FAM184A: variants seen among roughly 807,000 people sequenced by gnomAD.
FAM184A encodes protein FAM184A.
Under a neutral mutation model 143.8 loss-of-function variants are expected in FAM184A, and 99 were observed. The observed-to-expected ratio is 0.69, with a 90% CI of 0.58 to 0.81. FAM184A has a LOEUF of 0.81. Among genes scored for constraint, FAM184A ranks in the 40% least tolerant of loss-of-function variants. The probability of loss-of-function intolerance (pLI) is 0.00; values close to 1 mark genes in which losing one functional copy is unlikely to be tolerated. For synonymous variants in FAM184A, 427 were observed against 446.4 expected, an observed-to-expected ratio of 0.96 and a Z score of 0.55; for missense variants, 1,217 against 1,310.5, an observed-to-expected ratio of 0.93 and a Z score of 1.10.
intron 1 of FAM184A, among the ~76,000 whole-genome samples, chr6:119,139,390 G>C (rs1772132645): frequency 6.6e-6 from 1 of 152,130 alleles, no homozygotes; most frequent in Non-Finnish European, 1.5e-5. Flanking sequence ...TTAACTCACT[G>C]TTCTCAGAAT....
chr6:118,962,649 A>C (rs965645685), intron 16 of FAM184A: 9 of 152,170 alleles, frequency 5.9e-5, no homozygotes, highest in African/African-American at 2.2e-4. Context: ...TTTAAACTTT[A>C]AAGGTTACAA....
At chr6:119,058,175 C>A (rs11153792) in intron 1 of FAM184A, among the ~76,000 whole-genome samples, 3 of 89,736 alleles carry the variant, frequency 3.3e-5, no homozygotes, top group South Asian at 3.9e-4. Flanking sequence ...CTCCTTCTCT[C>A]TTTTTTTTTT....
In FAM184A at chr6:119,024,449, A is replaced by C; in HGVS notation, c.524T>G (p.Leu175Arg). 1 of 1,614,104 alleles carries C rather than the reference A, an allele frequency of 6.2e-7. No homozygotes were observed. Among genetic ancestry groups the C allele is most frequent in the Non-Finnish European group, 8.5e-7 (1 of 1,180,020 alleles). ...TTTGTCTTTTTCAAACTGTACTTGA[A>C]GTTGTCCAAAGCTCCGTAATTTTTC... Reference protein sequence around the residue: ...FEEKLRSFGQLQVQFEKDKRL... With the variant: ...FEEKLRSFGQRQVQFEKDKRL... The change falls in exon 2 of 18, where the codon CTT becomes CGT. Residue 175 changes from leucine (L) to arginine (R), a missense_variant. Leu to Arg is a moderately radical substitution (Grantham distance 102). Transcript: ENST00000338891.
intron 1 of FAM184A, among the ~76,000 whole-genome samples, chr6:119,028,501 G>T (rs1416594582): frequency 6.6e-6 from 1 of 152,128 alleles, no homozygotes; most frequent in Non-Finnish European, 1.5e-5. Flanking sequence ...AACAACCAAT[G>T]ATTTAATCAA....
In FAM184A at chr6:118,984,158, AAT is replaced by A. The variant is rs34576101; in HGVS notation, c.2089-3810_2089-3809del. Among the ~76,000 whole-genome samples, 918 of 126,932 alleles carry A rather than the reference AAT, an allele frequency of 7.2e-3. 18 individuals carry two copies. Among genetic ancestry groups the A allele is most frequent in the African/African-American group, 0.024 (777 of 32,140 alleles). The allele number at this position is 126,932 out of a possible 152,430, so 83.3% of individuals were successfully genotyped here. A position where few individuals can be genotyped will look rare whatever the true frequency, so the allele number is the denominator to read the frequency against. On this transcript the variant is annotated intron_variant, in intron 9 of 17. Transcript: ENST00000338891. ...ATAACGAAACTCCATTTAAAAAAAAAATATATATATATATATATATTTATATA... is the reference window on the plus strand; with the variant it reads ...ATAACGAAACTCCATTTAAAAAAAAAATATATATATATATATATTTATATA...
At chr6:119,057,474 C>G (rs1469381635) in intron 1 of FAM184A, among the ~76,000 whole-genome samples, 2 of 152,200 alleles carry the variant, frequency 1.3e-5, no homozygotes, top group Admixed American at 1.3e-4. Context: ...CGCAGTGGCT[C>G]ATGCTTGTAA....
chr6:118,991,924 G>A (rs1462033141), intron 9 of FAM184A, among the ~76,000 whole-genome samples: 3 of 151,518 alleles, frequency 2.0e-5, no homozygotes, highest in African/African-American at 4.9e-5. Context: ...CACCACGCCC[G>A]GCTAATTTTT....
intron 1 of FAM184A, among the ~76,000 whole-genome samples, chr6:119,046,556 C>T (rs1048421356): frequency 5.0e-4 from 44 of 88,544 alleles, no homozygotes; most frequent in Non-Finnish European, 1.1e-3. Context: ...ATTGTTATAC[C>T]TACCAAATAA....
At chr6:118,995,279 T>G (rs1431501304) in intron 9 of FAM184A, among the ~76,000 whole-genome samples, 1 of 152,014 alleles carries the variant, frequency 6.6e-6, no homozygotes, top group Non-Finnish European at 1.5e-5. Flanking sequence ...TAACTGAGTG[T>G]GGTGATACCT....
intron 1 of FAM184A, among the ~76,000 whole-genome samples, chr6:119,104,150 A>T (rs1415205170): frequency 2.6e-5 from 4 of 151,938 alleles, no homozygotes; most frequent in African/African-American, 9.7e-5. Context: ...GATCCTCCCA[A>T]GTATCTGGGA....
rs563196195 is a variant in FAM184A, at chr6:119,002,481, T to A, written c.2088+418A>T. On this transcript the variant is annotated intron_variant, in intron 9 of 17. Transcript: ENST00000338891. ...TTTGAAGGATAGCAGGCAACGCTCC[T>A]TTGGTGAGAAAAGTAAGCTGTTCAT... Among the ~76,000 whole-genome samples, 12 of 152,272 alleles carry A rather than the reference T, an allele frequency of 7.9e-5. 1 individual carries two copies. The highest frequency in any genetic ancestry group is 2.9e-4 in the African/African-American group (12 of 41,550).
At chr6:119,140,745 G>A (rs772998373) in intron 1 of FAM184A, among the ~76,000 whole-genome samples, 9 of 152,174 alleles carry the variant, frequency 5.9e-5, no homozygotes, top group Non-Finnish European at 1.2e-4. Context: ...CAGGAAAACC[G>A]GTGAAAGGGA....
intron 1 of FAM184A, among the ~76,000 whole-genome samples, chr6:119,129,612 C>T (rs750365469): frequency 2.6e-5 from 4 of 151,690 alleles, no homozygotes; most frequent in African/African-American, 4.8e-5. Context: ...CTTTAACATT[C>T]TTAATACTGT....
chr6:119,142,899 C>T (rs904076874), intron 1 of FAM184A, among the ~76,000 whole-genome samples: 7 of 152,172 alleles, frequency 4.6e-5, no homozygotes, highest in Non-Finnish European at 8.8e-5. Context: ...AATTTAGACA[C>T]ACACAGAAAA....
intron 2 of FAM184A, among the ~76,000 whole-genome samples, chr6:119,023,564 C>CCG (rs1785526301): frequency 4.5e-5 from 5 of 112,202 alleles, no homozygotes; most frequent in South Asian, 3.7e-4. Context: ...CGCCCCCCCC[C>CCG]CCAGGAACAG....
chr6:119,135,342 G>A (rs1336963250), intron 1 of FAM184A, among the ~76,000 whole-genome samples: 1 of 152,154 alleles, frequency 6.6e-6, no homozygotes, highest in Non-Finnish European at 1.5e-5. Context: ...AGAGGGATCA[G>A]GAAGTAAATG....
intron 5 of FAM184A, among the ~76,000 whole-genome samples, chr6:119,013,309 T>C (rs1785143435): frequency 6.6e-6 from 1 of 152,144 alleles, no homozygotes; most frequent in Non-Finnish European, 1.5e-5. Flanking sequence ...GAGGTAAAAA[T>C]GACGTTGATG....
intron 1 of FAM184A, among the ~76,000 whole-genome samples, chr6:119,052,290 C>T (rs908264162): frequency 5.9e-5 from 9 of 152,112 alleles, no homozygotes; most frequent in Non-Finnish European, 1.2e-4. Flanking sequence ...AAATATGTTA[C>T]CTAAGAGTTC....
upstream of FAM184A, among the ~76,000 whole-genome samples, chr6:119,080,420 C>T (rs1788027562): frequency 6.6e-6 from 1 of 152,130 alleles, no homozygotes. Context: ...TAGCATAGCC[C>T]AAAAGGACCC....
Sources: allele counts gnomAD v4.1 joint callset (sites outside exome capture counted in the v4.1 genomes callset), GRCh38; gene constraint gnomAD v4.1.1; transcripts MANE v1.5; gene names NCBI Gene and HGNC (gene_info 2026-07-23, HGNC 2026-07-21).